Variants in IRAG2 observed in about 807,000 individuals in gnomAD.
IRAG2 encodes inositol 1,4,5-triphosphate receptor associated 2.
In IRAG2, 45 loss-of-function variants were observed where a neutral mutation model predicts 69.9. The ratio of observed to expected loss-of-function variants is 0.64; its 90% CI spans 0.51 to 0.83. The LOEUF (loss-of-function observed/expected upper bound fraction) is 0.83, where lower values mean the gene tolerates loss of function less well. Ranked by LOEUF, IRAG2 falls within the 40% of genes least tolerant of loss-of-function variation. The pLI is 0.00. For missense variants in IRAG2, 520 were observed against 587.0 expected, an observed-to-expected ratio of 0.89 and a Z score of 1.18; for synonymous variants, 193 against 202.4, an observed-to-expected ratio of 0.95 and a Z score of 0.40.
chr12:25,032,868 A>G (rs1045518566), intron 12 of IRAG2, among the ~76,000 whole-genome samples: 3 of 152,196 alleles, frequency 2.0e-5, no homozygotes, highest in African/African-American at 7.2e-5. Flanking sequence ...AATATATGAA[A>G]TAATGGGGGG....
intron 17 of IRAG2, 21 bp downstream of exon 17, chr12:25,102,262 C>T (rs993571092): frequency 6.3e-7 from 1 of 1,598,072 alleles, no homozygotes; most frequent in South Asian, 1.1e-5. Context: ...ATTCACTTAA[C>T]AAATGTCTAG....
In IRAG2 at chr12:25,101,276, A is replaced by G. The variant is rs754225127; in HGVS notation, c.840A>G (p.Lys280=). The G allele has an allele frequency of 5.0e-5, 81 of 1,611,140 alleles. No homozygotes were observed. The highest frequency in any genetic ancestry group is 6.5e-5 in the Non-Finnish European group (76 of 1,178,130). ...AGCACGCTGAATTAGAAGAACTGAA[A>G]CAGGTTCTTCTGCAGAATGAAAGGT... The part of the protein sequence containing the change: ...AKEHAELEEL[K]QVLLQNERSF... Residue 280 remains lysine, a synonymous_variant, in exon 16 of 22, where the codon AAA becomes AAG. Coordinates refer to ENST00000556887, the MANE Select transcript of IRAG2 (RefSeq NM_001366544.2).
At chr12:25,106,885 G>GAATAATTATAGCA in intron 20 of IRAG2, 58 bp from the exon 21 acceptor site, 2 of 702,840 alleles carry the variant, frequency 2.8e-6, no homozygotes, top group Non-Finnish European at 4.4e-6. Context: ...AATATTTTAT[G>GAATAATTATAGCA]AATAATTATA....
chr12:25,098,315 C>G (rs996385202), intron 15 of IRAG2, among the ~76,000 whole-genome samples: 2 of 152,178 alleles, frequency 1.3e-5, no homozygotes, highest in Non-Finnish European at 2.9e-5. Context: ...ATATCAATTT[C>G]CCACCCTTTC....
chr12:25,001,916 T>A (rs1944394396), upstream of IRAG2, among the ~76,000 whole-genome samples: 1 of 151,890 alleles, frequency 6.6e-6, no homozygotes, highest in East Asian at 1.9e-4. Context: ...ATTACAGGCA[T>A]GTACCAACCA....
At chr12:25,101,909 G>A in intron 16 of IRAG2, 1 of 610,738 alleles carries the variant, frequency 1.6e-6, no homozygotes, top group Non-Finnish European at 3.1e-6. Context: ...ATACTCTTCT[G>A]AACTGTACTT....
At chr12:25,018,164 T>A (rs1944547025) in intron 6 of IRAG2, among the ~76,000 whole-genome samples, 1 of 151,808 alleles carries the variant, frequency 6.6e-6, no homozygotes, top group Non-Finnish European at 1.5e-5. Context: ...GTGCAGGAGT[T>A]TTTGAGTGGA....
chr12:25,001,832 C>T (rs960247150), upstream of IRAG2, among the ~76,000 whole-genome samples: 7 of 150,146 alleles, frequency 4.7e-5, no homozygotes, highest in South Asian at 2.1e-4. Flanking sequence ...TACAGTGGCA[C>T]GATCTCAGCT....
At chr12:25,083,971 C>A (rs573690082) in intron 10 of IRAG2, among the ~76,000 whole-genome samples, 33 of 152,264 alleles carry the variant, frequency 2.2e-4, no homozygotes, top group African/African-American at 7.5e-4. Flanking sequence ...GGCCAGAAAA[C>A]ATGTCACGGA....
rs34312403 is a variant in IRAG2, at chr12:25,090,117, G to A, written c.526G>A (p.Val176Met). 1.7e-4 allele frequency: 268 copies of A among 1,614,006 alleles called. 1 individual carries two copies. The African/African-American group carries it at 3.0e-3, about 18-fold the overall frequency. ...TGACTGGTTTACCTTGGAGAAGAGA[G>A]TGAAGCTTGAAGAGAGGTCCCGTGA... Reference protein sequence around the residue: ...KCDWFTLEKRVKLEERSRDLA... With the variant: ...KCDWFTLEKRMKLEERSRDLA... The change falls in exon 14 of 22, where the codon GTG becomes ATG. Residue 176 changes from valine to methionine, a missense_variant. Coordinates refer to ENST00000556887, the MANE Select transcript of IRAG2 (RefSeq NM_001366544.2).
At chr12:25,101,863 A>G in intron 16 of IRAG2, 6 of 522,186 alleles carry the variant, frequency 1.1e-5, no homozygotes, top group South Asian at 9.6e-5. Context: ...TTATTTCAAG[A>G]ATCTGTTCCC....
intron 3 of IRAG2, chr12:25,015,112 A>AAAAAAAAT: frequency 2.8e-6 from 1 of 359,394 alleles, no homozygotes; most frequent in Non-Finnish European, 3.8e-6. Flanking sequence ...AAAAAAAAAA[A>AAAAAAAAT]GACAAAACTT....
exon 6 of IRAG2, chr12:25,017,234 G>A: frequency 8.1e-7 from 1 of 1,232,114 alleles, no homozygotes; most frequent in Non-Finnish European, 1.0e-6. Context: ...AGAAACCCTG[G>A]AAGAAACTAA....
intron 10 of IRAG2, chr12:25,030,413 GTCTTGCTC>G (rs2139846657): frequency 9.7e-7 from 1 of 1,026,928 alleles, no homozygotes; most frequent in African/African-American, 1.7e-5. Context: ...TTTTGACGGA[GTCTTGCTC>G]TGTTGCCCAG....
the IRAG2 span, among the ~76,000 whole-genome samples, chr12:24,998,668 G>A: frequency 6.6e-6 from 1 of 151,714 alleles, no homozygotes; most frequent in African/African-American, 2.4e-5. Context: ...GGAATCTCTT[G>A]TCTATCTACA....
rs1377831161 is a variant in IRAG2 at position 25,052,842 on chromosome 12, T to C, written c.-561T>C. The C allele has an allele frequency of 2.5e-6, 1 of 398,518 alleles. No homozygotes were observed. Among genetic ancestry groups the C allele is most frequent in the East Asian group, 3.6e-5 (1 of 28,092 alleles). 24.7% of individuals were successfully genotyped at this position (398,518 alleles called of 1,614,324 possible). ...CCACACTGCCAGTGAAAAAGCTACG[T>C]CTTTACTGCATAAATTAGAGGAAGC... On this transcript the variant is annotated 5_prime_UTR_variant, in exon 1 of 22. Coordinates refer to ENST00000556887, the MANE Select transcript of IRAG2 (RefSeq NM_001366544.2).
chr12:25,026,295 T>C (rs1200642879), intron 8 of IRAG2, among the ~76,000 whole-genome samples: 1 of 152,194 alleles, frequency 6.6e-6, no homozygotes, highest in Non-Finnish European at 1.5e-5. Context: ...TCTTTAAGCA[T>C]GTTCATCTGA....
At chr12:25,098,784 T>G (rs2140223339) in intron 15 of IRAG2, among the ~76,000 whole-genome samples, 1 of 152,302 alleles carries the variant, frequency 6.6e-6, no homozygotes, top group South Asian at 2.1e-4. Context: ...CTCACTGTGT[T>G]CAGTCTCCCT....
intron 2 of IRAG2, among the ~76,000 whole-genome samples, chr12:25,061,975 G>C (rs1945663165): frequency 6.6e-6 from 1 of 152,118 alleles, no homozygotes; most frequent in South Asian, 2.1e-4. Flanking sequence ...GATAGTAAGG[G>C]CATATCATTC....
Sources: allele counts gnomAD v4.1 joint callset (sites outside exome capture counted in the v4.1 genomes callset), GRCh38; gene constraint gnomAD v4.1.1; transcripts MANE v1.5; gene names NCBI Gene and HGNC (gene_info 2026-07-23, HGNC 2026-07-21).